Variants in TRMT11 observed in about 807,000 individuals in gnomAD.
TRMT11 encodes the protein tRNA methyltransferase 11, also known as tRNA (guanine(10)-N(2))-methyltransferase TRMT11.
A neutral mutation model predicts 62.8 loss-of-function variants in TRMT11; 53 were observed. That is an observed-to-expected ratio of 0.84 (90% CI 0.68 to 1.06). The LOEUF (loss-of-function observed/expected upper bound fraction) is 1.06. TRMT11 is among the 50% of genes least tolerant of loss of function. The pLI is 0.00. For missense variants in TRMT11, 556 were observed against 553.4 expected, an observed-to-expected ratio of 1.00 and a Z score of -0.05; for synonymous variants, 188 against 190.3, an observed-to-expected ratio of 0.99 and a Z score of 0.10.
At chr6:126,107,877 A>G (rs1479262113) in intron 17 of TRMT11, among the ~76,000 whole-genome samples, 2 of 152,162 alleles carry the variant, frequency 1.3e-5, no homozygotes, top group Non-Finnish European at 2.9e-5. Context: ...GAAGGAGAGC[A>G]ATTTATAGTG....
At chr6:126,266,188 T>A in the TRMT11 span, among the ~76,000 whole-genome samples, 2 of 152,226 alleles carry the variant, frequency 1.3e-5, no homozygotes, top group African/African-American at 4.8e-5. Flanking sequence ...CAAGTTTGCC[T>A]GATGTCTAGT....
intron 21 of TRMT11, among the ~76,000 whole-genome samples, chr6:126,125,234 C>G (rs534693061): frequency 6.4e-4 from 97 of 152,108 alleles, no homozygotes; most frequent in African/African-American, 2.1e-3. Flanking sequence ...TCACTTTGCC[C>G]GTGGGGTTTG....
At chr6:126,258,261 TG>T in the TRMT11 span, 7 of 554,646 alleles carry the variant, frequency 1.3e-5, no homozygotes, top group Admixed American at 2.1e-5. Context: ...CCTGCGGCCC[TG>T]GGGGGTGGGC....
chr6:126,263,223 T>C, the TRMT11 span, among the ~76,000 whole-genome samples: 59 of 152,318 alleles, frequency 3.9e-4, no homozygotes, highest in Non-Finnish European at 5.7e-4. Flanking sequence ...GGTTTCCATA[T>C]AGATTATGAA....
At position 126,060,310 on chromosome 6, in the gene TRMT11, C is replaced by G. The variant is rs192924331; in HGVS notation, c.*1437+7120C>G. 7.2e-5 allele frequency among the ~76,000 whole-genome samples: 11 copies of G among 152,324 alleles called. No individual in the cohort carries two copies. In the East Asian group the frequency reaches 1.9e-3, roughly 27 times the overall value. ...AGGATTGTTTTCTCGTAAGTGATAG[C>G]TGCTCTATTACAGTCTCTAAAAATA... On this transcript the variant is annotated intron_variant and NMD_transcript_variant, in intron 17 of 22. Coordinates refer to the TRMT11 transcript ENST00000648977.
chr6:126,156,379 C>T (rs568222895), intron 21 of TRMT11, among the ~76,000 whole-genome samples: 33 of 152,184 alleles, frequency 2.2e-4, no homozygotes, highest in Non-Finnish European at 3.8e-4. Flanking sequence ...GGGGGCAACA[C>T]CCATATAGCA....
chr6:126,203,869 C>G (rs1168906215), downstream of TRMT11, among the ~76,000 whole-genome samples: 1 of 151,662 alleles, frequency 6.6e-6, no homozygotes, highest in Non-Finnish European at 1.5e-5. Flanking sequence ...TAAAAATTTA[C>G]AAAGCTGTCC....
At chr6:126,143,686 A>G (rs1777944224) in intron 21 of TRMT11, among the ~76,000 whole-genome samples, 1 of 152,128 alleles carries the variant, frequency 6.6e-6, no homozygotes, top group Non-Finnish European at 1.5e-5. Context: ...ATTAAATTAG[A>G]TCTATAAGTT....
chr6:126,042,700 G>T (rs147462780), downstream of TRMT11, among the ~76,000 whole-genome samples: 803 of 152,276 alleles, frequency 5.3e-3, 4 homozygotes, highest in Admixed American at 8.1e-3. Flanking sequence ...GGATTTATCG[G>T]AAGAACTCTA....
intron 21 of TRMT11, among the ~76,000 whole-genome samples, chr6:126,149,261 A>G (rs1009537981): frequency 1.3e-5 from 2 of 152,192 alleles, no homozygotes; most frequent in Admixed American, 6.5e-5. Flanking sequence ...TGTTAAAGCC[A>G]TTTTAGCTTA....
intron 1 of TRMT11, among the ~76,000 whole-genome samples, chr6:125,992,975 G>C (rs189274814): frequency 2.6e-5 from 4 of 152,136 alleles, no homozygotes; most frequent in Non-Finnish European, 5.9e-5. Flanking sequence ...CCTGGTCTGG[G>C]TATAGTTTCC....
At chr6:126,245,057 A>G in the TRMT11 span, among the ~76,000 whole-genome samples, 4 of 152,232 alleles carry the variant, frequency 2.6e-5, no homozygotes, top group Admixed American at 6.5e-5. Flanking sequence ...AGGTTGACAT[A>G]TGATTTCCAA....
intron 11 of TRMT11, among the ~76,000 whole-genome samples, chr6:126,014,241 G>GTATTT (rs1446624608): frequency 2.6e-5 from 4 of 151,864 alleles, no homozygotes; most frequent in African/African-American, 4.8e-5. Context: ...ATTTGTATTT[G>GTATTT]TATTTTATTT....
chr6:126,006,857 T>C (rs1026444539), intron 7 of TRMT11: 1 of 152,000 alleles, frequency 6.6e-6, no homozygotes, highest in Non-Finnish European at 1.5e-5. Flanking sequence ...TACTTGTAAA[T>C]TGGGTCTTCT....
At chr6:126,047,426 A>G (rs948029764) in intron 16 of TRMT11, among the ~76,000 whole-genome samples, 1 of 151,838 alleles carries the variant, frequency 6.6e-6, no homozygotes, top group Non-Finnish European at 1.5e-5. Context: ...GCTGAACTGC[A>G]GGGGAAGATC....
the TRMT11 span, among the ~76,000 whole-genome samples, chr6:126,257,727 T>G: frequency 6.6e-6 from 1 of 151,830 alleles, no homozygotes; most frequent in African/African-American, 2.4e-5. Flanking sequence ...CGCCACAGAG[T>G]CAACATAAAA....
At chr6:126,104,897 A>G (rs1193360580) in intron 17 of TRMT11, among the ~76,000 whole-genome samples, 1 of 152,152 alleles carries the variant, frequency 6.6e-6, no homozygotes, top group African/African-American at 2.4e-5. Context: ...ATTGGATCAG[A>G]TATGCTTTTC....
intron 17 of TRMT11, among the ~76,000 whole-genome samples, chr6:126,093,817 A>G (rs1224961672): frequency 6.6e-6 from 1 of 151,542 alleles, no homozygotes; most frequent in Non-Finnish European, 1.5e-5. Flanking sequence ...TAGTAAGTTA[A>G]TTTAGCAACT....
At chr6:126,086,554 C>T (rs1777218885) in intron 17 of TRMT11, among the ~76,000 whole-genome samples, 1 of 152,144 alleles carries the variant, frequency 6.6e-6, no homozygotes, top group Admixed American at 6.5e-5. Flanking sequence ...CTGTGTCTAC[C>T]TCATCCCGTC....
Sources: gnomAD v4.1 joint callset for allele counts (sites outside exome capture counted in the v4.1 genomes callset) on GRCh38, gnomAD v4.1.1 for gene constraint, MANE v1.5 for transcripts, NCBI Gene and HGNC (gene_info 2026-07-23, HGNC 2026-07-21) for gene names.